MARCHF3: variants seen among roughly 807,000 people sequenced by gnomAD.
The protein encoded by MARCHF3 is membrane associated ring-CH-type finger 3.
Under a neutral mutation model 24.2 loss-of-function variants are expected in MARCHF3, and 13 were observed. The ratio of observed to expected loss-of-function variants is 0.54; its 90% CI spans 0.35 to 0.85. MARCHF3 has a LOEUF of 0.85. Ranked by LOEUF, MARCHF3 falls within the 40% of genes least tolerant of loss-of-function variation. MARCHF3 has a pLI of 0.01. For synonymous variants in MARCHF3, 144 were observed against 137.3 expected, an observed-to-expected ratio of 1.05 and a Z score of -0.34; for missense variants, 276 against 325.0, an observed-to-expected ratio of 0.85 and a Z score of 1.16.
chr5:126,970,152 A>C (rs958467956), intron 1 of MARCHF3, among the ~76,000 whole-genome samples: 1 of 151,168 alleles, frequency 6.6e-6, no homozygotes, highest in Non-Finnish European at 1.5e-5. Flanking sequence ...CAGTGGGGCA[A>C]TATGAGCTCA....
intron 1 of MARCHF3, among the ~76,000 whole-genome samples, chr5:127,024,716 T>C (rs1277855310): frequency 6.6e-6 from 1 of 152,204 alleles, no homozygotes; most frequent in Non-Finnish European, 1.5e-5. Flanking sequence ...CTATCTATTT[T>C]AGTGTTCAAG....
chr5:126,931,891 A>AATG (rs2126804184), intron 1 of MARCHF3, among the ~76,000 whole-genome samples: 1 of 152,324 alleles, frequency 6.6e-6, no homozygotes, highest in Non-Finnish European at 1.5e-5. Flanking sequence ...TAATAATAAT[A>AATG]ATAATTCAGC....
intron 1 of MARCHF3, among the ~76,000 whole-genome samples, chr5:126,978,338 C>T (rs1406655552): frequency 6.6e-6 from 1 of 152,112 alleles, no homozygotes; most frequent in Non-Finnish European, 1.5e-5. Flanking sequence ...AATTAGGTCC[C>T]ATGCAGAATT....
chr5:126,935,592 T>TATATATGGC (rs1363729506), intron 1 of MARCHF3, among the ~76,000 whole-genome samples: 1 of 147,804 alleles, frequency 6.8e-6, no homozygotes, highest in Non-Finnish European at 1.5e-5. Flanking sequence ...AGTACGAATG[T>TATATATGGC]ATATATGGCT....
intron 1 of MARCHF3, among the ~76,000 whole-genome samples, chr5:126,993,893 C>G (rs1469046942): frequency 1.3e-5 from 2 of 152,124 alleles, no homozygotes; most frequent in African/African-American, 4.8e-5. Flanking sequence ...AGTCTTAGAC[C>G]TTTAAGTTCT....
intron 4 of MARCHF3, among the ~76,000 whole-genome samples, chr5:126,877,109 ACT>A (rs147002170): frequency 0.038 from 5,802 of 152,144 alleles, 179 homozygotes; most frequent in Non-Finnish European, 0.061. Context: ...CTGTTTGAAC[ACT>A]CTCACTGGAG....
chr5:126,966,889 G>A (rs1342586394), intron 1 of MARCHF3, among the ~76,000 whole-genome samples: 1 of 27,222 alleles, frequency 3.7e-5, no homozygotes, highest in East Asian at 8.4e-4. Flanking sequence ...TTTCTCTCTT[G>A]TTGGGCTGTG....
chr5:126,966,815 T>C (rs983627449), intron 1 of MARCHF3, among the ~76,000 whole-genome samples: 3 of 151,634 alleles, frequency 2.0e-5, no homozygotes, highest in Non-Finnish European at 2.9e-5. Context: ...GGCTGTTTGC[T>C]TTTATGCTAA....
chr5:127,015,276 GA>G (rs1752602157), intron 1 of MARCHF3, among the ~76,000 whole-genome samples: 1 of 152,150 alleles, frequency 6.6e-6, no homozygotes, highest in African/African-American at 2.4e-5. Flanking sequence ...AACACCAGAG[GA>G]CTAGAAAACA....
intron 4 of MARCHF3, among the ~76,000 whole-genome samples, chr5:126,873,204 C>G (rs1043526841): frequency 1.3e-5 from 2 of 152,072 alleles, no homozygotes; most frequent in African/African-American, 4.8e-5. Context: ...TTAGTGGTTA[C>G]GTGACTTGGG....
chr5:126,912,115 A>C (rs1476117342), intron 3 of MARCHF3, among the ~76,000 whole-genome samples: 1 of 152,226 alleles, frequency 6.6e-6, no homozygotes, highest in Non-Finnish European at 1.5e-5. Flanking sequence ...GCAGAAAAAA[A>C]GACTTCACAT....
chr5:126,900,869 T>G (rs930884193), intron 3 of MARCHF3, among the ~76,000 whole-genome samples: 1 of 151,908 alleles, frequency 6.6e-6, no homozygotes, highest in Non-Finnish European at 1.5e-5. Flanking sequence ...GCCCAGCTAA[T>G]TTTTGTGTTT....
intron 1 of MARCHF3, among the ~76,000 whole-genome samples, chr5:127,011,639 AT>A (rs1224080242): frequency 6.6e-6 from 1 of 152,206 alleles, no homozygotes; most frequent in Non-Finnish European, 1.5e-5. Context: ...AAGGAAACTG[AT>A]TCCCTAAAAG....
chr5:126,912,675 A>G (rs1754579479), intron 3 of MARCHF3, among the ~76,000 whole-genome samples: 1 of 152,218 alleles, frequency 6.6e-6, no homozygotes, highest in Admixed American at 6.5e-5. Flanking sequence ...AAAGTCAATT[A>G]GTAATGTCAT....
chr5:126,998,706 G>C (rs570412876), intron 1 of MARCHF3, among the ~76,000 whole-genome samples: 7 of 152,198 alleles, frequency 4.6e-5, no homozygotes, highest in Admixed American at 2.0e-4. Context: ...ATGTTTCTGT[G>C]GCTACCAACC....
intron 1 of MARCHF3, among the ~76,000 whole-genome samples, chr5:127,008,882 TTTATTTATTTATTTATTTATTTATTTA>T (rs1461000022): frequency 8.7e-5 from 1 of 11,552 alleles, no homozygotes; most frequent in African/African-American, 2.9e-4. Context: ...CTTTAAAAAA[TTTATTTATTTATTTATTTATTTATTTA>T]TTTATTTATT....
chr5:126,933,414 C>T (rs1036993675), intron 1 of MARCHF3, among the ~76,000 whole-genome samples: 65 of 151,618 alleles, frequency 4.3e-4, no homozygotes, highest in African/African-American at 2.4e-4. Flanking sequence ...CAGAATTTTC[C>T]GCTGTATGCC....
At chr5:127,012,956 C>T (rs1464029177) in intron 1 of MARCHF3, among the ~76,000 whole-genome samples, 2 of 152,194 alleles carry the variant, frequency 1.3e-5, no homozygotes, top group Non-Finnish European at 2.9e-5. Flanking sequence ...CACTTGTGAA[C>T]AAGCAAATTC....
chr5:127,012,331 T>C (rs1694507907), intron 1 of MARCHF3, among the ~76,000 whole-genome samples: 1 of 152,176 alleles, frequency 6.6e-6, no homozygotes, highest in Non-Finnish European at 1.5e-5. Flanking sequence ...AAAACAAAGC[T>C]TTCACTTTTT....
Sources: allele counts gnomAD v4.1 joint callset (sites outside exome capture counted in the v4.1 genomes callset), GRCh38; gene constraint gnomAD v4.1.1; transcripts MANE v1.5; gene names NCBI Gene and HGNC (gene_info 2026-07-23, HGNC 2026-07-21).